The following PLXNA4 variants were observed in gnomAD, a reference collection of about 807,000 sequenced individuals.
PLXNA4 encodes the protein plexin-A4.
In PLXNA4, 44 loss-of-function variants were observed where a neutral mutation model predicts 191.8. The ratio of observed to expected loss-of-function variants is 0.23; its 90% CI spans 0.18 to 0.29. The LOEUF is 0.29. Ranked by LOEUF, PLXNA4 falls within the 10% of genes least tolerant of loss-of-function variation. The probability of loss-of-function intolerance (pLI) is 1.00; values close to 1 mark genes in which losing one functional copy is unlikely to be tolerated. For missense variants in PLXNA4, 1,800 were observed against 2,488.8 expected (o/e 0.72, Z 5.89); for synonymous variants, 1,082 against 1,009.5 (o/e 1.07, Z -1.36).
intron 3 of PLXNA4, among the ~76,000 whole-genome samples, chr7:132,428,665 C>T (rs191871589): frequency 3.8e-4 from 58 of 152,088 alleles, no homozygotes; most frequent in African/African-American, 1.3e-3. Flanking sequence ...CCCTCTGTCC[C>T]GGTCCTTGAG....
chr7:132,366,694 A>T lies in PLXNA4; in HGVS notation c.1372-68472T>A, dbSNP rs1343746916. 1.5e-4 allele frequency among the ~76,000 whole-genome samples: 23 copies of T among 152,246 alleles called. 1 individual carries two copies. Among genetic ancestry groups the T allele is most frequent in the Admixed American group, 1.5e-3 (23 of 15,286 alleles). On this transcript the variant is annotated intron_variant, in intron 3 of 31. Transcript: ENST00000321063. ...GGCCATTTAAATTTTCCTTGGAAAT[A>T]TTAGTTGAAAGAATAATTGACATCT... is the stretch of plus-strand genomic sequence containing the variant.
chr7:132,400,401 A>G (rs1585084401), intron 3 of PLXNA4, among the ~76,000 whole-genome samples: 1 of 151,844 alleles, frequency 6.6e-6, no homozygotes, highest in Middle Eastern at 3.2e-3. Flanking sequence ...TGTCACCCAG[A>G]CTCTTGTGTT....
At chr7:132,306,154 G>A (rs1801513426) in intron 3 of PLXNA4, among the ~76,000 whole-genome samples, 1 of 152,180 alleles carries the variant, frequency 6.6e-6, no homozygotes, top group African/African-American at 2.4e-5. Context: ...AGGGGCTTGT[G>A]CGGAGGCGCC....
At chr7:132,222,463 C>T (rs1798178219) in intron 9 of PLXNA4, among the ~76,000 whole-genome samples, 1 of 152,100 alleles carries the variant, frequency 6.6e-6, no homozygotes, top group Non-Finnish European at 1.5e-5. Flanking sequence ...TCTCAATGCC[C>T]CTCCTGCCCC....
intron 3 of PLXNA4, among the ~76,000 whole-genome samples, chr7:132,342,684 C>T (rs965368908): frequency 5.9e-5 from 9 of 152,104 alleles, no homozygotes; most frequent in African/African-American, 2.2e-4. Flanking sequence ...TGGTGGCTCA[C>T]GCCTATAATC....
intron 1 of PLXNA4, among the ~76,000 whole-genome samples, chr7:132,570,579 A>G (rs956006498): frequency 3.3e-5 from 5 of 152,184 alleles, no homozygotes; most frequent in Non-Finnish European, 7.3e-5. Context: ...AAGACCAGGA[A>G]AGCCTTTCAA....
At chr7:132,531,489 C>T (rs894906501) in intron 1 of PLXNA4, among the ~76,000 whole-genome samples, 2 of 152,164 alleles carry the variant, frequency 1.3e-5, no homozygotes, top group Non-Finnish European at 2.9e-5. Flanking sequence ...AGCAGGAAAT[C>T]TGTCCCAGAC....
In PLXNA4 at chr7:132,141,664, A is replaced by T. The variant is rs562156272; in HGVS notation, c.5226-853T>A. ...GCCTACCCAGAGGGCAGTGTCCAGA[A>T]TGCCTTCACAAAGGGGGCACTTGAT... is the stretch of plus-strand genomic sequence containing the variant. On this transcript the variant is annotated intron_variant, in intron 29 of 31. Coordinates refer to ENST00000321063, the MANE Select transcript of PLXNA4 (RefSeq NM_020911.2). Among the ~76,000 whole-genome samples the T allele has an allele frequency of 9.8e-5, 15 of 152,308 alleles. No homozygotes were observed. In the South Asian group the frequency reaches 2.7e-3, roughly 27 times the overall value.
At chr7:132,245,292 A>G (rs1215256033) in intron 4 of PLXNA4, among the ~76,000 whole-genome samples, 1 of 152,144 alleles carries the variant, frequency 6.6e-6, no homozygotes, top group Non-Finnish European at 1.5e-5. Context: ...GAGACCACAA[A>G]ATATTGAGGT....
intron 15 of PLXNA4, 87 bp downstream of exon 15, chr7:132,187,384 C>A: frequency 6.5e-7 from 1 of 1,526,966 alleles, no homozygotes; most frequent in Non-Finnish European, 8.8e-7. Context: ...TCCCAACTCT[C>A]TGCAATAAAA....
chr7:132,151,355 AAGG>A (rs1169494175), intron 25 of PLXNA4, among the ~76,000 whole-genome samples: 2 of 28,692 alleles, frequency 7.0e-5, no homozygotes, highest in African/African-American at 1.1e-4. Context: ...GAGGAAGAAG[AAGG>A]AGGAGGAGGA....
At chr7:132,373,773 C>T (rs952262643) in intron 3 of PLXNA4, among the ~76,000 whole-genome samples, 1 of 152,156 alleles carries the variant, frequency 6.6e-6, no homozygotes, top group Non-Finnish European at 1.5e-5. Context: ...ACAGTGACAA[C>T]AAAAGAGAGA....
At chr7:132,185,166 G>T in intron 16 of PLXNA4, 133 bp downstream of exon 16, 1 of 1,317,086 alleles carries the variant, frequency 7.6e-7, no homozygotes, top group Non-Finnish European at 1.0e-6. Context: ...TGATTTGGGG[G>T]TGTTTGGAAT....
chr7:132,184,115 T>A (rs1357169113), intron 16 of PLXNA4, among the ~76,000 whole-genome samples: 1 of 152,200 alleles, frequency 6.6e-6, no homozygotes, highest in East Asian at 1.9e-4. Flanking sequence ...GCTCTCTGCC[T>A]CAGCCCGGGG....
intron 3 of PLXNA4, among the ~76,000 whole-genome samples, chr7:132,365,360 T>TGTGTGTGTGTGC: frequency 5.0e-4 from 65 of 128,820 alleles, no homozygotes; most frequent in African/African-American, 1.8e-3. Context: ...TGTGTGTGTG[T>TGTGTGTGTGTGC]GCGTGCGCGC....
chr7:132,507,781 C>T lies in PLXNA4; in HGVS notation c.913G>A (p.Val305Met), dbSNP rs1563140656. 1.2e-6 allele frequency: 2 copies of T among 1,614,130 alleles called. No individual in the cohort carries two copies. The highest frequency in any genetic ancestry group is 1.7e-6 in the Non-Finnish European group (2 of 1,180,042). Reference protein sequence around the residue: ...EVPIGCERSGVEYRLLQAAYL... With the variant: ...EVPIGCERSGMEYRLLQAAYL... Reference sequence around the variant, plus strand: ...GCAGCCTGCAGCAGGCGGTACTCCACCCCACTGCGCTCACAGCCAATGGGC... The same window carrying T: ...GCAGCCTGCAGCAGGCGGTACTCCATCCCACTGCGCTCACAGCCAATGGGC... Residue 305 changes from valine to methionine, a missense_variant, in exon 2 of 32, where the codon GTG (valine) becomes ATG (methionine). Val to Met is a conservative substitution (Grantham distance 21). Around this residue, in one of 6 missense-constraint regions of PLXNA4, gnomAD observed 1,397 missense variants for 1,880.4 expected, o/e 0.74. Coordinates refer to ENST00000321063, the MANE Select transcript of PLXNA4 (RefSeq NM_020911.2).
chr7:132,354,064 G>A (rs1449373803), intron 3 of PLXNA4, among the ~76,000 whole-genome samples: 1 of 152,098 alleles, frequency 6.6e-6, no homozygotes, highest in Non-Finnish European at 1.5e-5. Context: ...GGGACCTCCT[G>A]GAATGTTCCC....
At chr7:132,467,723 A>G (rs949628174) in intron 3 of PLXNA4, among the ~76,000 whole-genome samples, 12 of 152,220 alleles carry the variant, frequency 7.9e-5, no homozygotes, top group Non-Finnish European at 1.6e-4. Flanking sequence ...CCAAGAGAAT[A>G]TTCCCATAGG....
intron 2 of PLXNA4, among the ~76,000 whole-genome samples, chr7:132,619,112 C>T (rs1803211626): frequency 1.3e-5 from 2 of 152,032 alleles, no homozygotes; most frequent in South Asian, 4.2e-4. Context: ...AAGTGTAAAT[C>T]CCAAAAAACC....
Sources: allele counts gnomAD v4.1 joint callset (sites outside exome capture counted in the v4.1 genomes callset), GRCh38; gene constraint gnomAD v4.1.1; regional missense constraint gnomAD v4.1.1; transcripts MANE v1.5; gene names NCBI Gene and HGNC (gene_info 2026-07-23, HGNC 2026-07-21).